The following PAG1 variants were observed in gnomAD, a reference collection of about 807,000 sequenced individuals.
PAG1 encodes the protein phosphoprotein membrane anchor with glycosphingolipid microdomains 1.
In PAG1, 23 loss-of-function variants were observed where a neutral mutation model predicts 31.7. The ratio of observed to expected loss-of-function variants is 0.73; its 90% CI spans 0.52 to 1.03. The LOEUF (loss-of-function observed/expected upper bound fraction) is 1.03, where lower values mean the gene tolerates loss of function less well. Ranked by LOEUF, PAG1 falls within the 50% of genes least tolerant of loss-of-function variation. The pLI, the probability that PAG1 is intolerant of heterozygous loss-of-function variation, is 0.00. For synonymous variants in PAG1, 214 were observed against 210.3 expected, an observed-to-expected ratio of 1.02 and a Z score of -0.15; for missense variants, 473 against 540.7, an observed-to-expected ratio of 0.87 and a Z score of 1.24.
chr8:81,003,071 T>C (rs1458397079), intron 3 of PAG1, among the ~76,000 whole-genome samples: 1 of 152,174 alleles, frequency 6.6e-6, no homozygotes, highest in Admixed American at 6.5e-5. Context: ...ACCTGGGAAC[T>C]TGTTGAAATG....
At chr8:81,064,523 G>C (rs867118114) in intron 2 of PAG1, among the ~76,000 whole-genome samples, 1 of 152,180 alleles carries the variant, frequency 6.6e-6, no homozygotes, top group Non-Finnish European at 1.5e-5. Flanking sequence ...ATATAAAGCA[G>C]ATTATATTGG....
intron 2 of PAG1, among the ~76,000 whole-genome samples, chr8:81,041,078 G>A (rs1808546578): frequency 6.6e-6 from 1 of 152,164 alleles, no homozygotes; most frequent in Non-Finnish European, 1.5e-5. Flanking sequence ...CCAAAATGGA[G>A]AAAACTAGTG....
chr8:81,054,731 C>T (rs1212022784), intron 2 of PAG1, among the ~76,000 whole-genome samples: 2 of 152,018 alleles, frequency 1.3e-5, no homozygotes, highest in Non-Finnish European at 2.9e-5. Flanking sequence ...GAATGAGATA[C>T]TATTATCTGT....
chr8:81,065,212 T>C (rs1808983433), intron 2 of PAG1, among the ~76,000 whole-genome samples: 1 of 152,244 alleles, frequency 6.6e-6, no homozygotes, highest in African/African-American at 2.4e-5. Flanking sequence ...GCTAATCATC[T>C]GCAATGTTTT....
chr8:81,076,880 T>C (rs1351345646), intron 1 of PAG1, among the ~76,000 whole-genome samples: 1 of 152,260 alleles, frequency 6.6e-6, no homozygotes, highest in African/African-American at 2.4e-5. Context: ...AAAGACCAAA[T>C]ATACTTTTGT....
rs1806998296 is a variant in PAG1 at position 80,968,015 on chromosome 8, A to G, written c.*8529T>C. ...CAATTGAAATACTACTGGCAGAAACATACGAAAACAAATACCCATTTCAGT... is the reference window on the plus strand; with the variant it reads ...CAATTGAAATACTACTGGCAGAAACGTACGAAAACAAATACCCATTTCAGT... On this transcript the variant is annotated 3_prime_UTR_variant, in exon 9 of 9. Transcript: ENST00000220597. The G allele has an allele frequency of 5.5e-5, 2 of 36,592 alleles. No individual in the cohort carries two copies. The allele number at this position is 36,592 out of a possible 1,614,324, so 2.3% of individuals were successfully genotyped here. A position where few individuals can be genotyped will look rare whatever the true frequency, so the allele number is the denominator to read the frequency against.
At chr8:81,020,281 T>C (rs1808140355) in intron 3 of PAG1, among the ~76,000 whole-genome samples, 1 of 152,092 alleles carries the variant, frequency 6.6e-6, no homozygotes, top group Non-Finnish European at 1.5e-5. Flanking sequence ...TAGGAAGGCA[T>C]GATTGGTTTT....
At position 80,993,228 on chromosome 8, in the gene PAG1, G is replaced by T; in HGVS notation, c.-1C>A. The T allele has an allele frequency of 1.9e-6, 3 of 1,601,938 alleles. No individual in the cohort carries two copies. Among genetic ancestry groups the T allele is most frequent in the South Asian group, 1.1e-5 (1 of 89,486 alleles). On this transcript the variant is annotated 5_prime_UTR_variant, in exon 4 of 9. Coordinates refer to ENST00000220597, the MANE Select transcript of PAG1 (RefSeq NM_018440.4). ...CCAGCAGGCTCCCCGCGGGCCCCAT[G>T]GCAGGAGCAGGCACTGGCACCAGCC...
intron 2 of PAG1, among the ~76,000 whole-genome samples, chr8:81,055,627 T>C (rs2130898137): frequency 6.6e-6 from 1 of 152,172 alleles, no homozygotes; most frequent in African/African-American, 2.4e-5. Flanking sequence ...TCCTCTTTTA[T>C]TTCGTTGAGC....
intron 3 of PAG1, among the ~76,000 whole-genome samples, chr8:80,997,142 C>T (rs1807691228): frequency 6.6e-6 from 1 of 152,194 alleles, no homozygotes; most frequent in African/African-American, 2.4e-5. Flanking sequence ...TGATCTCTTC[C>T]AGCAGAAATA....
intron 3 of PAG1, among the ~76,000 whole-genome samples, chr8:81,021,397 A>C (rs1586170256): frequency 6.7e-6 from 1 of 150,262 alleles, no homozygotes; most frequent in African/African-American, 2.5e-5. Flanking sequence ...TATTATTATT[A>C]TTTGGATTTC....
At chr8:81,089,502 A>G (rs1055445925) in intron 1 of PAG1, among the ~76,000 whole-genome samples, 2 of 151,922 alleles carry the variant, frequency 1.3e-5, no homozygotes, top group Non-Finnish European at 2.9e-5. Flanking sequence ...CAGGAGGTGG[A>G]GCTTGCAGTG....
chr8:81,008,901 T>C (rs1051256427), intron 3 of PAG1, among the ~76,000 whole-genome samples: 2 of 152,206 alleles, frequency 1.3e-5, no homozygotes, highest in Admixed American at 6.5e-5. Flanking sequence ...TCTTGATTTA[T>C]CTGAATTTCT....
intron 3 of PAG1, among the ~76,000 whole-genome samples, chr8:81,017,493 G>A (rs1808091312): frequency 6.6e-6 from 1 of 152,144 alleles, no homozygotes. Context: ...ACAAAAGCAG[G>A]ATGTTACCTC....
intron 2 of PAG1, among the ~76,000 whole-genome samples, chr8:81,042,141 T>C (rs1808563706): frequency 6.6e-6 from 1 of 152,292 alleles, no homozygotes; most frequent in Non-Finnish European, 1.5e-5. Flanking sequence ...AAGGTTTAGC[T>C]CGAGAGACAA....
At chr8:81,100,378 C>T (rs772705773) in intron 1 of PAG1, among the ~76,000 whole-genome samples, 2 of 152,226 alleles carry the variant, frequency 1.3e-5, no homozygotes, top group Admixed American at 6.5e-5. Context: ...AAACAGACAT[C>T]CCCTACCTTC....
chr8:81,031,349 G>C (rs1334754200), intron 2 of PAG1, among the ~76,000 whole-genome samples: 1 of 152,174 alleles, frequency 6.6e-6, no homozygotes, highest in Non-Finnish European at 1.5e-5. Context: ...TCAACTAGGA[G>C]ACAGAGCTTC....
chr8:81,035,296 G>A (rs1310683467), intron 2 of PAG1, among the ~76,000 whole-genome samples: 1 of 152,154 alleles, frequency 6.6e-6, no homozygotes, highest in Non-Finnish European at 1.5e-5. Context: ...TGGTTACACA[G>A]ACACAGAAAC....
chr8:81,030,766 T>C (rs1364041603), intron 2 of PAG1, among the ~76,000 whole-genome samples: 1 of 152,230 alleles, frequency 6.6e-6, no homozygotes, highest in Admixed American at 6.5e-5. Flanking sequence ...CCCTTCCTCC[T>C]GCCCCCTTCC....
Sources: allele counts gnomAD v4.1 joint callset (sites outside exome capture counted in the v4.1 genomes callset), GRCh38; gene constraint gnomAD v4.1.1; transcripts MANE v1.5; gene names NCBI Gene and HGNC (gene_info 2026-07-23, HGNC 2026-07-21).